WARS1: variants seen among roughly 807,000 people sequenced by gnomAD.
The protein encoded by WARS1 is tryptophan--tRNA ligase, cytoplasmic.
WARS1 carries 17 observed loss-of-function variants against 47.8 expected under a neutral mutation model. The observed-to-expected ratio is 0.36, with a 90% CI of 0.24 to 0.53. WARS1 has a LOEUF of 0.53. WARS1 is among the 20% of genes least tolerant of loss of function. WARS1 has a pLI of 0.91. For synonymous variants in WARS1, 208 were observed against 228.1 expected, an observed-to-expected ratio of 0.91 and a Z score of 0.79; for missense variants, 434 against 608.0, an observed-to-expected ratio of 0.71 and a Z score of 3.01.
intron 9 of WARS1, chr14:100,342,159 A>AG (rs1894205301): frequency 5.4e-6 from 3 of 553,508 alleles, no homozygotes; most frequent in Middle Eastern, 2.8e-4. Flanking sequence ...AAAAAAAGAA[A>AG]AAAAATTCAA....
chr14:100,362,954 T>A (rs1274541219), intron 2 of WARS1, among the ~76,000 whole-genome samples: 2 of 152,196 alleles, frequency 1.3e-5, no homozygotes, highest in African/African-American at 4.8e-5. Context: ...TACAAAATTA[T>A]CTGAGACTCA....
intron 1 of WARS1, chr14:100,374,400 AG>A (rs1359307908): frequency 6.6e-6 from 1 of 152,266 alleles, no homozygotes; most frequent in East Asian, 1.9e-4. Flanking sequence ...AAAGCTAAAA[AG>A]CCTCTTGAAA....
intron 1 of WARS1, among the ~76,000 whole-genome samples, chr14:100,374,432 T>C (rs866877373): frequency 2.6e-5 from 4 of 152,236 alleles, no homozygotes; most frequent in East Asian, 1.9e-4. Flanking sequence ...AGTTCCCCCT[T>C]TTCAAGAACT....
At chr14:100,349,701 T>C (rs1350804073) in intron 6 of WARS1, among the ~76,000 whole-genome samples, 1 of 152,224 alleles carries the variant, frequency 6.6e-6, no homozygotes, top group Non-Finnish European at 1.5e-5. Flanking sequence ...CCCAGCTCAG[T>C]GCCTTTGCAT....
intron 4 of WARS1, among the ~76,000 whole-genome samples, chr14:100,357,942 A>G (rs1288863185): frequency 6.6e-6 from 1 of 152,224 alleles, no homozygotes; most frequent in Admixed American, 6.5e-5. Flanking sequence ...AAGACATCCC[A>G]TGTTCATGGA....
chr14:100,348,550 C>CCAA (rs1003703236), intron 6 of WARS1, among the ~76,000 whole-genome samples: 20 of 152,216 alleles, frequency 1.3e-4, no homozygotes, highest in Non-Finnish European at 2.8e-4. Context: ...AAGAGCACAG[C>CCAA]CAACAGCAGC....
intron 10 of WARS1, among the ~76,000 whole-genome samples, chr14:100,335,897 C>A (rs1452246459): frequency 6.6e-6 from 1 of 152,112 alleles, no homozygotes; most frequent in Non-Finnish European, 1.5e-5. Context: ...ATAGTTAACT[C>A]CTCCCTGAGT....
At chr14:100,345,009 GC>G (rs1160551093) in intron 7 of WARS1, among the ~76,000 whole-genome samples, 3 of 148,352 alleles carry the variant, frequency 2.0e-5, no homozygotes, top group Non-Finnish European at 4.5e-5. Context: ...GGGGGGGTCA[GC>G]CCCCCGCCCG....
intron 1 of WARS1, among the ~76,000 whole-genome samples, chr14:100,371,408 C>T (rs1209106645): frequency 7.0e-6 from 1 of 142,752 alleles, no homozygotes; most frequent in African/African-American, 2.5e-5. Context: ...TGAGATCACA[C>T]CACTGCACCC....
intron 2 of WARS1, among the ~76,000 whole-genome samples, chr14:100,364,657 A>G (rs1448751135): frequency 6.6e-6 from 1 of 152,242 alleles, no homozygotes; most frequent in Non-Finnish European, 1.5e-5. Flanking sequence ...GCATTAGTCA[A>G]ATAATACACT....
At chr14:100,370,056 G>A (rs978337412) in intron 1 of WARS1, among the ~76,000 whole-genome samples, 3 of 152,194 alleles carry the variant, frequency 2.0e-5, no homozygotes, top group Non-Finnish European at 4.4e-5. Context: ...GTCTTCCACT[G>A]CTGGTCAGCT....
intron 6 of WARS1, chr14:100,353,177 A>G (rs1268496508): frequency 6.6e-6 from 1 of 152,462 alleles, no homozygotes; most frequent in Non-Finnish European, 1.5e-5. Flanking sequence ...ATATCACTTA[A>G]TCCTTTCTAT....
chr14:100,337,011 C>T (rs765746875), intron 10 of WARS1, 51 bp downstream of exon 10: 1 of 1,595,766 alleles, frequency 6.3e-7, no homozygotes, highest in South Asian at 1.1e-5. Flanking sequence ...GCCCCATGGG[C>T]AGGAGTGGGT....
In WARS1 at chr14:100,345,547, C is replaced by T. The variant is rs1258851231; in HGVS notation, c.826+1199G>A. 7.9e-5 allele frequency among the ~76,000 whole-genome samples: 12 copies of T among 151,922 alleles called. 1 individual carries two copies. Among genetic ancestry groups the T allele is most frequent in the African/African-American group, 2.9e-4 (12 of 41,480 alleles). On this transcript the variant is annotated intron_variant, in intron 7 of 10. Transcript: ENST00000392882. ...TGCGGAAGGCCGCAGGGTCCTCTGC[C>T]TAGGAAAACCAGAGACCTTTGTTCA... is the stretch of plus-strand genomic sequence containing the variant.
intron 4 of WARS1, among the ~76,000 whole-genome samples, chr14:100,357,143 T>C (rs1351535941): frequency 1.3e-5 from 2 of 152,212 alleles, no homozygotes; most frequent in African/African-American, 4.8e-5. Flanking sequence ...GAAGGGTATA[T>C]AGAAAGCCCA....
intron 6 of WARS1, 115 bp from the exon 7 acceptor site, chr14:100,346,961 A>G: frequency 1.1e-6 from 1 of 891,060 alleles, no homozygotes; most frequent in Non-Finnish European, 1.8e-6. Flanking sequence ...ACTCGGGGCC[A>G]CATTGTGGTC....
chr14:100,349,586 C>T (rs1403300644), intron 6 of WARS1, among the ~76,000 whole-genome samples: 5 of 152,228 alleles, frequency 3.3e-5, no homozygotes, highest in African/African-American at 1.2e-4. Flanking sequence ...TAGCACCCAG[C>T]TCCCTTCCTC....
chr14:100,339,916 G>A (rs141601097), intron 9 of WARS1: 2 of 152,238 alleles, frequency 1.3e-5, no homozygotes, highest in Non-Finnish European at 2.9e-5. Flanking sequence ...AGATGTGCTG[G>A]CGTCACCACC....
chr14:100,370,918 G>A (rs577477999), intron 1 of WARS1, among the ~76,000 whole-genome samples: 37 of 152,122 alleles, frequency 2.4e-4, no homozygotes, highest in Admixed American at 7.2e-4. Flanking sequence ...ACTCCAGCCC[G>A]GGTGACAGAG....
Sources: allele counts gnomAD v4.1 joint callset (sites outside exome capture counted in the v4.1 genomes callset), GRCh38; gene constraint gnomAD v4.1.1; transcripts MANE v1.5; gene names NCBI Gene and HGNC (gene_info 2026-07-23, HGNC 2026-07-21).